SNTG1: variants seen among roughly 807,000 people sequenced by gnomAD.
SNTG1 encodes syntrophin gamma 1.
A neutral mutation model predicts 74.7 loss-of-function variants in SNTG1; 39 were observed. The ratio of observed to expected loss-of-function variants is 0.52; its 90% CI spans 0.40 to 0.68. SNTG1 has a LOEUF of 0.68. Ranked by LOEUF, SNTG1 falls within the 30% of genes least tolerant of loss-of-function variation. The pLI, the probability that SNTG1 is intolerant of heterozygous loss-of-function variation, is 0.00. For synonymous variants in SNTG1, 254 were observed against 217.1 expected (o/e 1.17, Z -1.49); for missense variants, 685 against 609.5 (o/e 1.12, Z -1.30).
At chr8:50,357,649 T>C (rs891092106) in intron 2 of SNTG1, among the ~76,000 whole-genome samples, 1 of 152,208 alleles carries the variant, frequency 6.6e-6, no homozygotes, top group African/African-American at 2.4e-5. Flanking sequence ...TGTCAGCTTT[T>C]GATTATCCTT....
In SNTG1 at chr8:50,253,422, T is replaced by TTAAATAAA. The variant is rs57078517; in HGVS notation, c.-28+80804_-28+80811dup. ...TGTGCAACAAGAGTAAAACTCCGTC[T>TTAAATAAA]TAAATAAATAAATAAATAAATAAAA... On this transcript the variant is annotated intron_variant, in intron 2 of 18. Transcript: ENST00000642720. Among the ~76,000 whole-genome samples the TTAAATAAA allele has an allele frequency of 3.6e-3, 534 of 149,022 alleles. 4 individuals carry two copies. Among genetic ancestry groups the TTAAATAAA allele is most frequent in the African/African-American group, 8.7e-3 (353 of 40,470 alleles).
rs34924863 is a variant in SNTG1 at position 50,618,891 on chromosome 8, ATG to A, written c.849+27992_849+27993del. On this transcript the variant is annotated intron_variant, in intron 13 of 18. Coordinates refer to ENST00000642720, the MANE Select transcript of SNTG1 (RefSeq NM_018967.5). ...GCAAGATGGAATTATATATGTGTATATGTGTGTGTGTGTGTGTGTATATATAT... is the reference window on the plus strand; with the variant it reads ...GCAAGATGGAATTATATATGTGTATATGTGTGTGTGTGTGTGTATATATAT... Among the ~76,000 whole-genome samples the A allele has an allele frequency of 7.8e-4, 116 of 148,450 alleles. 1 individual carries two copies. The highest frequency in any genetic ancestry group is 3.4e-3 in the Middle Eastern group (1 of 292).
chr8:50,423,375 C>T (rs1229993504), intron 4 of SNTG1, among the ~76,000 whole-genome samples: 2 of 152,194 alleles, frequency 1.3e-5, no homozygotes, highest in African/African-American at 4.8e-5. Context: ...TAAAAATCCT[C>T]TCATTTCTCC....
intron 8 of SNTG1, among the ~76,000 whole-genome samples, chr8:50,453,483 A>C (rs1308352773): frequency 1.3e-5 from 2 of 152,212 alleles, no homozygotes; most frequent in African/African-American, 2.4e-5. Flanking sequence ...ACCGCTTGGC[A>C]TGCAGCATGG....
At chr8:50,414,658 A>G (rs975694371) in intron 4 of SNTG1, among the ~76,000 whole-genome samples, 15 of 151,430 alleles carry the variant, frequency 9.9e-5, no homozygotes, top group African/African-American at 3.4e-4. Context: ...TTTATTCATC[A>G]TTTTATTGTG....
At chr8:50,669,869 A>C (rs935127253) in intron 15 of SNTG1, among the ~76,000 whole-genome samples, 61 of 152,230 alleles carry the variant, frequency 4.0e-4, no homozygotes, top group Non-Finnish European at 6.8e-4. Context: ...CATCCCTGGG[A>C]TGCAAGGCTG....
intron 2 of SNTG1, among the ~76,000 whole-genome samples, chr8:50,315,195 T>C (rs1331356929): frequency 2.7e-5 from 4 of 149,768 alleles, no homozygotes; most frequent in African/African-American, 1.0e-4. Flanking sequence ...CTGAGGAATG[T>C]TAATTTATCT....
chr8:50,307,299 A>G (rs75488301), intron 2 of SNTG1, among the ~76,000 whole-genome samples: 9,176 of 152,124 alleles, frequency 0.06, 311 homozygotes, highest in South Asian at 0.074. Flanking sequence ...CATTTTTCCA[A>G]AGTGATTGTA....
intron 17 of SNTG1, among the ~76,000 whole-genome samples, chr8:50,735,394 C>A (rs1033166287): frequency 6.6e-6 from 1 of 151,694 alleles, no homozygotes; most frequent in African/African-American, 2.4e-5. Flanking sequence ...AGAGGAATTG[C>A]AAACTAGAAT....
At chr8:49,927,872 C>G (rs1041120727) in intron 1 of SNTG1, among the ~76,000 whole-genome samples, 4 of 151,950 alleles carry the variant, frequency 2.6e-5, no homozygotes, top group African/African-American at 9.7e-5. Flanking sequence ...AATCCCAGCA[C>G]TTTGGGAGGC....
At chr8:50,259,505 AAAAAAAGAAAGAAAGAAAG>A (rs2087051401) in intron 2 of SNTG1, among the ~76,000 whole-genome samples, 1 of 23,270 alleles carries the variant, frequency 4.3e-5, no homozygotes, top group African/African-American at 6.3e-5. Context: ...TCTCAAAAAA[AAAAAAAGAAAGAAAGAAAG>A]AAAGAAAGAA....
chr8:50,443,831 G>T (rs149867658), intron 5 of SNTG1, among the ~76,000 whole-genome samples: 1 of 152,148 alleles, frequency 6.6e-6, no homozygotes, highest in African/African-American at 2.4e-5. Context: ...TTACTTTCTG[G>T]TTTATTTAAA....
At chr8:50,675,162 C>G (rs1288821058) in intron 15 of SNTG1, among the ~76,000 whole-genome samples, 1 of 152,076 alleles carries the variant, frequency 6.6e-6, no homozygotes, top group African/African-American at 2.4e-5. Context: ...GTGGAGAGTT[C>G]TGTAGATGTC....
intron 17 of SNTG1, among the ~76,000 whole-genome samples, chr8:50,731,548 A>G: frequency 6.6e-6 from 1 of 152,100 alleles, no homozygotes; most frequent in East Asian, 1.9e-4. Flanking sequence ...TTCTAACCAA[A>G]TCAAAGTGAA....
chr8:50,475,795 A>C (rs531685733), intron 8 of SNTG1, among the ~76,000 whole-genome samples: 13 of 152,354 alleles, frequency 8.5e-5, no homozygotes, highest in African/African-American at 2.9e-4. Flanking sequence ...ACAACATAAT[A>C]TAAATGCATT....
At chr8:50,252,551 G>C (rs1010874330) in intron 2 of SNTG1, among the ~76,000 whole-genome samples, 3 of 152,124 alleles carry the variant, frequency 2.0e-5, no homozygotes, top group African/African-American at 7.2e-5. Context: ...AGATACAAAG[G>C]TTGCACACAA....
Position 50,172,609 on chromosome 8 carries a change from G to T in SNTG1, c.-54G>T, listed in dbSNP as rs986295916. ...TGCCCGAGAAGTGACCCCAGCAAAA[G>T]AAAAATATTGCTGTACCTAAATTCA... On this transcript the variant is annotated 5_prime_UTR_variant, in exon 2 of 19. Coordinates refer to ENST00000642720, the MANE Select transcript of SNTG1 (RefSeq NM_018967.5). 1 of 151,936 alleles carries T rather than the reference G, an allele frequency of 6.6e-6. No homozygotes were observed. The highest frequency in any genetic ancestry group is 1.5e-5 in the Non-Finnish European group (1 of 67,972). 9.4% of individuals were successfully genotyped at this position (151,936 alleles called of 1,614,324 possible).
intron 2 of SNTG1, among the ~76,000 whole-genome samples, chr8:50,312,730 C>T (rs2090163089): frequency 6.7e-6 from 1 of 150,040 alleles, no homozygotes; most frequent in Admixed American, 6.7e-5. Context: ...CAATTCCTAA[C>T]ATGCCTTCCA....
At chr8:50,729,291 A>G (rs987526826) in intron 17 of SNTG1, among the ~76,000 whole-genome samples, 1 of 152,192 alleles carries the variant, frequency 6.6e-6, no homozygotes, top group African/African-American at 2.4e-5. Flanking sequence ...GAGTCCAAAT[A>G]TAATGTGTAG....
Sources: allele counts gnomAD v4.1 joint callset (sites outside exome capture counted in the v4.1 genomes callset), GRCh38; gene constraint gnomAD v4.1.1; transcripts MANE v1.5; gene names NCBI Gene and HGNC (gene_info 2026-07-23, HGNC 2026-07-21).